The following HEXB variants were observed in gnomAD, a reference collection of about 807,000 sequenced individuals.
The protein encoded by HEXB is hexosaminidase subunit beta, also known as beta-hexosaminidase subunit beta.
A neutral mutation model predicts 71.2 loss-of-function variants in HEXB; 51 were observed. That is an observed-to-expected ratio of 0.72 (90% CI 0.57 to 0.90). HEXB has a LOEUF of 0.90. Among genes scored for constraint, HEXB ranks in the 40% least tolerant of loss-of-function variants. The pLI, the probability that HEXB is intolerant of heterozygous loss-of-function variation, is 0.00. For missense variants in HEXB, 617 were observed against 677.0 expected, an observed-to-expected ratio of 0.91 and a Z score of 0.98; for synonymous variants, 266 against 249.3, an observed-to-expected ratio of 1.07 and a Z score of -0.63.
intron 1 of HEXB, among the ~76,000 whole-genome samples, chr5:74,665,319 A>G (rs1159523230): frequency 6.6e-6 from 1 of 152,210 alleles, no homozygotes; most frequent in Non-Finnish European, 1.5e-5. Flanking sequence ...ATTCCATAGG[A>G]TTTTTAAAAT....
At chr5:74,660,049 A>G (rs1208807788) in intron 1 of HEXB, among the ~76,000 whole-genome samples, 1 of 150,392 alleles carries the variant, frequency 6.6e-6, no homozygotes, top group East Asian at 1.9e-4. Context: ...GCAAAGGGAG[A>G]GGAGAGACCC....
At chr5:74,706,747 GGT>G (rs1285775697) in intron 6 of HEXB, among the ~76,000 whole-genome samples, 2 of 151,618 alleles carry the variant, frequency 1.3e-5, no homozygotes, top group African/African-American at 4.9e-5. Context: ...CTGGGGGAGG[GGT>G]GCCCGCCATT....
rs769800319 is a variant in HEXB at position 74,641,576 on chromosome 5, C to T, written c.-377+1018C>T. Among the ~76,000 whole-genome samples, 12 of 152,164 alleles carry T rather than the reference C, an allele frequency of 7.9e-5. No homozygotes were observed. Among genetic ancestry groups the T allele is most frequent in the Non-Finnish European group, 1.5e-4 (10 of 68,048 alleles). ...CCTCCTCTCCTAGCGATTAAGCCTC[C>T]ATCACCTTCTCCTGTTTTTTATCGC... On this transcript the variant is annotated intron_variant, in intron 1 of 13. Transcript: ENST00000511181. The surrounding 1 kb of genome is among the most constrained non-coding windows in gnomAD (Gnocchi z 4.1).
At chr5:74,712,667 C>T (rs901595999) in intron 6 of HEXB, among the ~76,000 whole-genome samples, 2 of 151,956 alleles carry the variant, frequency 1.3e-5, no homozygotes, top group Admixed American at 6.6e-5. Flanking sequence ...CTACAGTTTC[C>T]CACAGTCTGG....
At chr5:74,689,104 C>T (rs982859303) in intron 1 of HEXB, among the ~76,000 whole-genome samples, 1 of 152,100 alleles carries the variant, frequency 6.6e-6, no homozygotes, top group African/African-American at 2.4e-5. Context: ...AATTCCCATG[C>T]CTGAATCCCA....
intron 3 of HEXB, among the ~76,000 whole-genome samples, chr5:74,696,034 G>T (rs1749106278): frequency 6.6e-6 from 1 of 152,140 alleles, no homozygotes; most frequent in Non-Finnish European, 1.5e-5. Flanking sequence ...TACTTGACGA[G>T]GTTGGAGAGA....
At position 74,673,206 on chromosome 5, in the gene HEXB, G is replaced by A. The variant is rs144995909; in HGVS notation, c.-376-16122G>A. On this transcript the variant is annotated intron_variant, in intron 1 of 13. Transcript: ENST00000511181. ...TTTAGCAAAGCAGGGAGAAATGCTTGCCAGTTGCCAGAGCAGATTTAACTC... is the reference window on the plus strand; with the variant it reads ...TTTAGCAAAGCAGGGAGAAATGCTTACCAGTTGCCAGAGCAGATTTAACTC... Among the ~76,000 whole-genome samples the A allele has an allele frequency of 3.3e-3, 508 of 152,302 alleles. 1 individual carries two copies. Among genetic ancestry groups the A allele is most frequent in the Non-Finnish European group, 5.9e-3 (402 of 68,026 alleles).
In HEXB at chr5:74,641,885, G is replaced by A. The variant is rs944817523; in HGVS notation, c.-377+1327G>A. Among the ~76,000 whole-genome samples the A allele has an allele frequency of 6.6e-6, 1 of 152,212 alleles. No homozygotes were observed. The highest frequency in any genetic ancestry group is 1.5e-5 in the Non-Finnish European group (1 of 68,044). On this transcript the variant is annotated intron_variant, in intron 1 of 13. Transcript: ENST00000511181. This position sits in a 1 kb window ranked among gnomAD's most constrained non-coding sequence, Gnocchi z 4.1. ...GTGGGGAACCGAGGCCCAGGGAGAT[G>A]TGAATTGCCTGGCTCGTAGTCACTT...
intron 1 of HEXB, among the ~76,000 whole-genome samples, chr5:74,674,374 C>T (rs537154271): frequency 1.3e-5 from 2 of 152,026 alleles, no homozygotes; most frequent in Admixed American, 6.6e-5. Flanking sequence ...GAGGCCGAGG[C>T]GGGCAGATCA....
intron 1 of HEXB, among the ~76,000 whole-genome samples, chr5:74,675,449 T>C (rs1000262421): frequency 6.6e-5 from 10 of 152,060 alleles, no homozygotes; most frequent in Admixed American, 1.3e-4. Context: ...AGTTGATACA[T>C]AAAAAAGTGC....
intron 1 of HEXB, among the ~76,000 whole-genome samples, chr5:74,688,124 C>T (rs935884887): frequency 4.6e-5 from 7 of 151,850 alleles, no homozygotes; most frequent in African/African-American, 1.7e-4. Context: ...AATGCCTTTA[C>T]AGAATTTTTA....
intron 1 of HEXB, chr5:74,640,612 C>G (rs1747826955): frequency 6.6e-6 from 1 of 152,422 alleles, no homozygotes; most frequent in South Asian, 2.1e-4. Flanking sequence ...GCGGGCTGTG[C>G]GCTCGGGGGA....
chr5:74,694,142 G>C (rs1199356911), intron 3 of HEXB, among the ~76,000 whole-genome samples: 3 of 152,184 alleles, frequency 2.0e-5, no homozygotes, highest in Non-Finnish European at 4.4e-5. Flanking sequence ...CTGGGCAACA[G>C]AGCAAGACCC....
At chr5:74,657,501 A>C (rs750557493) in intron 1 of HEXB, among the ~76,000 whole-genome samples, 1 of 152,164 alleles carries the variant, frequency 6.6e-6, no homozygotes, top group Non-Finnish European at 1.5e-5. Flanking sequence ...CCTTCGGAGC[A>C]CTTATCACCA....
At chr5:74,683,739 T>G (rs1440318970), upstream of HEXB, among the ~76,000 whole-genome samples, 1 of 151,930 alleles carries the variant, frequency 6.6e-6, no homozygotes, top group Non-Finnish European at 1.5e-5. Context: ...TTTTCTTCAG[T>G]TCCAAGTATT....
At chr5:74,677,814 T>C (rs1205451824) in intron 1 of HEXB, among the ~76,000 whole-genome samples, 1 of 152,120 alleles carries the variant, frequency 6.6e-6, no homozygotes, top group Non-Finnish European at 1.5e-5. Flanking sequence ...ACCTGAGTAG[T>C]GCACAATGTA....
intron 1 of HEXB, among the ~76,000 whole-genome samples, chr5:74,664,513 A>G (rs781212387): frequency 4.0e-5 from 6 of 151,848 alleles, no homozygotes; most frequent in Non-Finnish European, 7.4e-5. Flanking sequence ...AGAATAAATT[A>G]CATTCTCCCA....
intron 7 of HEXB, 43 bp downstream of exon 7, chr5:74,713,678 T>C: frequency 6.5e-7 from 1 of 1,540,294 alleles, no homozygotes; most frequent in African/African-American, 1.4e-5. Context: ...ATTTTTTATT[T>C]TTTGAGATGG....
rs561078901 is a variant in HEXB, at chr5:74,713,350, TA to T, written c.772-155del. Among the ~76,000 whole-genome samples, 416 of 152,348 alleles carry T rather than the reference TA, an allele frequency of 2.7e-3. 1 individual carries two copies. The highest frequency in any genetic ancestry group is 8.5e-3 in the African/African-American group (354 of 41,584). On this transcript the variant is annotated intron_variant, in intron 6 of 13. Transcript: ENST00000261416. Reference sequence around the variant, plus strand: ...TACTCCTGAAACTATGGCACTATATTATTTTTAAATGAGTCATCTAATATCA... The same window carrying T: ...TACTCCTGAAACTATGGCACTATATTTTTTTAAATGAGTCATCTAATATCA...
Sources: allele counts gnomAD v4.1 joint callset (sites outside exome capture counted in the v4.1 genomes callset), GRCh38; gene constraint gnomAD v4.1.1; non-coding constraint Gnocchi (gnomAD v3.1); transcripts MANE v1.5; gene names NCBI Gene and HGNC (gene_info 2026-07-23, HGNC 2026-07-21).